Variants in RPL39L observed in about 807,000 individuals in gnomAD.
RPL39L encodes the protein ribosomal protein eL39-like 2.
For synonymous variants in RPL39L, 16 were observed against 20.1 expected, an observed-to-expected ratio of 0.80 and a Z score of 0.55; for missense variants, 48 against 58.9, an observed-to-expected ratio of 0.81 and a Z score of 0.61.
At position 187,137,551 on chromosome 3, in the gene RPL39L, G is replaced by A. The variant is rs183187750; in HGVS notation, c.-93+1662C>T. On this transcript the variant is annotated intron_variant, in intron 1 of 2. Transcript: ENST00000296277. ...AAATTGGCCGGGTGCGGTGGCTCAC[G>A]CCTGCAATCCCAGCACTTTGGGAGG... Among the ~76,000 whole-genome samples, 12 of 151,732 alleles carry A rather than the reference G, an allele frequency of 7.9e-5. No individual in the cohort carries two copies. The East Asian group carries it at 2.1e-3, about 27-fold the overall frequency.
At chr3:187,126,895 A>C (rs1720407306) in intron 2 of RPL39L, among the ~76,000 whole-genome samples, 2 of 152,218 alleles carry the variant, frequency 1.3e-5, no homozygotes, top group African/African-American at 4.8e-5. Context: ...CTCAGAGTGA[A>C]GGTGAACAAG....
chr3:187,125,815 A>C (rs904569938), intron 2 of RPL39L, among the ~76,000 whole-genome samples: 8 of 147,968 alleles, frequency 5.4e-5, no homozygotes, highest in South Asian at 2.1e-4. Flanking sequence ...TGCGGTAAGC[A>C]ATGGGACCTA....
Position 187,121,109 on chromosome 3 carries a change from C to T in RPL39L, c.*36G>A, listed in dbSNP as rs149046952. On this transcript the variant is annotated 3_prime_UTR_variant, in exon 3 of 3. Coordinates refer to ENST00000296277, the MANE Select transcript of RPL39L (RefSeq NM_052969.3). ...TCGTAAGATGATCGTGAACTTGATA[C>T]AGCATAAATATGTGTGCCATCTCAT... 29 of 1,608,244 alleles carry T rather than the reference C, an allele frequency of 1.8e-5. No homozygotes were observed. In the Middle Eastern group the frequency reaches 6.3e-4, roughly 35 times the overall value.
chr3:187,132,333 A>G (rs2108469728), intron 1 of RPL39L, among the ~76,000 whole-genome samples: 1 of 152,198 alleles, frequency 6.6e-6, no homozygotes, highest in South Asian at 2.1e-4. Flanking sequence ...ATTTTTTTTG[A>G]AAAAAGTTTT....
intron 2 of RPL39L, among the ~76,000 whole-genome samples, chr3:187,122,923 A>G (rs968298737): frequency 6.6e-6 from 1 of 152,230 alleles, no homozygotes; most frequent in Non-Finnish European, 1.5e-5. Flanking sequence ...TAACCAAAAG[A>G]AAATAGAGGA....
chr3:187,123,929 T>C (rs1720354693), intron 2 of RPL39L, among the ~76,000 whole-genome samples: 2 of 152,178 alleles, frequency 1.3e-5, no homozygotes, highest in Admixed American at 6.5e-5. Context: ...CTAACTCTCA[T>C]GGAAACTTTT....
At chr3:187,130,451 G>GT (rs1307472117) in intron 1 of RPL39L, among the ~76,000 whole-genome samples, 16 of 152,160 alleles carry the variant, frequency 1.1e-4, no homozygotes, top group African/African-American at 3.6e-4. Context: ...TGCTGCCGTC[G>GT]TGACAGTGAG....
rs114440240 is a variant in RPL39L, at chr3:187,124,935, C to A, written c.-29+3064G>T. On this transcript the variant is annotated intron_variant, in intron 2 of 2. Transcript: ENST00000296277. ...AATTTCCAAAGTTCAGTTGACTGAG[C>A]AACCTCAGCAATCAGTGATACAGCT... is the stretch of plus-strand genomic sequence containing the variant. Among the ~76,000 whole-genome samples the A allele has an allele frequency of 7.2e-3, 1,096 of 152,288 alleles. 12 individuals are homozygous for A. Among genetic ancestry groups the A allele is most frequent in the African/African-American group, 0.025 (1,041 of 41,554 alleles).
At chr3:187,133,436 G>C (rs560553169) in intron 1 of RPL39L, among the ~76,000 whole-genome samples, 1 of 152,192 alleles carries the variant, frequency 6.6e-6, no homozygotes, top group East Asian at 1.9e-4. Context: ...CCTTCTGCCA[G>C]ATTGTAAGTA....
In RPL39L at chr3:187,136,706, T is replaced by C. The variant is rs368557010; in HGVS notation, c.-93+2507A>G. Among the ~76,000 whole-genome samples the C allele has an allele frequency of 1.2e-3, 178 of 152,250 alleles. 4 individuals are homozygous for C. In the South Asian group the frequency reaches 0.034, roughly 29 times the overall value. On this transcript the variant is annotated intron_variant, in intron 1 of 2. Transcript: ENST00000296277. Reference sequence around the variant, plus strand: ...TGAACATTATAAGAAGTTTCCAATATCTCAAAACTTTTGTAATAGTGTTTT... The same window carrying C: ...TGAACATTATAAGAAGTTTCCAATACCTCAAAACTTTTGTAATAGTGTTTT...
chr3:187,133,824 T>A (rs543098193), intron 1 of RPL39L, among the ~76,000 whole-genome samples: 2 of 152,138 alleles, frequency 1.3e-5, no homozygotes, highest in Non-Finnish European at 2.9e-5. Flanking sequence ...AACCTGGTAG[T>A]GTACTGAAGA....
intron 1 of RPL39L, among the ~76,000 whole-genome samples, chr3:187,128,898 G>T (rs991945562): frequency 1.5e-4 from 23 of 152,120 alleles, no homozygotes; most frequent in Non-Finnish European, 1.5e-5. Context: ...CCATTTATGT[G>T]GTAACACCTA....
At chr3:187,134,650 C>T (rs1258499293) in intron 1 of RPL39L, among the ~76,000 whole-genome samples, 1 of 152,134 alleles carries the variant, frequency 6.6e-6, no homozygotes, top group Non-Finnish European at 1.5e-5. Flanking sequence ...TGGACCGATT[C>T]CTTATGAGAT....
At chr3:187,138,285 C>T (rs1720620105) in intron 1 of RPL39L, among the ~76,000 whole-genome samples, 2 of 152,108 alleles carry the variant, frequency 1.3e-5, no homozygotes, top group Admixed American at 6.5e-5. Flanking sequence ...TTCAAGATTG[C>T]CATAGCAGAG....
rs1198144470 is a variant in RPL39L at position 187,121,217 on chromosome 3, C to A, written c.84G>T (p.Gln28His). 3 of 1,613,962 alleles carry A rather than the reference C, an allele frequency of 1.9e-6. 1 individual carries two copies. In the East Asian group the frequency reaches 6.7e-5, roughly 36 times the overall value. The part of the protein sequence containing the change: ...KQNRPIPQWI[Q>H]MKPGSKIRYN... ...ACCTGATTTTACTACCAGGTTTCAT[C>A]TGAATCCACTGGGGGATGGGACGAT... The change falls in exon 3 of 3, where the codon CAG becomes CAT. Residue 28 changes from glutamine to histidine, a missense_variant. Coordinates refer to ENST00000296277, the MANE Select transcript of RPL39L (RefSeq NM_052969.3).
At chr3:187,135,199 T>C (rs1022445206) in intron 1 of RPL39L, among the ~76,000 whole-genome samples, 2 of 152,162 alleles carry the variant, frequency 1.3e-5, no homozygotes, top group Admixed American at 6.5e-5. Flanking sequence ...TTCTAAGGCT[T>C]TGTCAAATAC....
chr3:187,130,366 T>C (rs1720465925), intron 1 of RPL39L, among the ~76,000 whole-genome samples: 1 of 152,234 alleles, frequency 6.6e-6, no homozygotes, highest in Admixed American at 6.5e-5. Context: ...TCATGTTGAA[T>C]TGTAATCCCC....
chr3:187,126,243 C>A (rs1369892705), intron 2 of RPL39L, among the ~76,000 whole-genome samples: 1 of 151,346 alleles, frequency 6.6e-6, no homozygotes, highest in Non-Finnish European at 1.5e-5. Context: ...CTCACTGCAA[C>A]CTCTGCCTCC....
At chr3:187,137,588 A>C (rs964922031) in intron 1 of RPL39L, among the ~76,000 whole-genome samples, 8 of 152,002 alleles carry the variant, frequency 5.3e-5, no homozygotes, top group Non-Finnish European at 8.8e-5. Context: ...TGATGCGGGC[A>C]GATCATCTGA....
Sources: allele counts gnomAD v4.1 joint callset (sites outside exome capture counted in the v4.1 genomes callset), GRCh38; gene constraint gnomAD v4.1.1; transcripts MANE v1.5; gene names NCBI Gene and HGNC (gene_info 2026-07-23, HGNC 2026-07-21).